Variants in TENM4 observed in about 807,000 individuals in gnomAD.
The protein encoded by TENM4 is teneurin-4.
Under a neutral mutation model 243.3 loss-of-function variants are expected in TENM4, and 82 were observed. That is an observed-to-expected ratio of 0.34 (90% CI 0.28 to 0.40). The LOEUF (loss-of-function observed/expected upper bound fraction) is 0.40. Among genes scored for constraint, TENM4 ranks in the 10% least tolerant of loss-of-function variants. The pLI, the probability that TENM4 is intolerant of heterozygous loss-of-function variation, is 1.00. For synonymous variants in TENM4, 1,412 were observed against 1,456.3 expected, an observed-to-expected ratio of 0.97 and a Z score of 0.69; for missense variants, 3,138 against 3,673.3, an observed-to-expected ratio of 0.85 and a Z score of 3.77.
At chr11:79,409,405 G>C (rs1026146143) in intron 1 of TENM4, among the ~76,000 whole-genome samples, 1 of 152,132 alleles carries the variant, frequency 6.6e-6, no homozygotes, top group African/African-American at 2.4e-5. Context: ...AGGTTCATAA[G>C]AGTGAGGCAT....
intron 4 of TENM4, among the ~76,000 whole-genome samples, chr11:79,090,299 A>C (rs1591274605): frequency 1.3e-5 from 2 of 152,356 alleles, no homozygotes; most frequent in East Asian, 3.9e-4. Flanking sequence ...GAAAAATATA[A>C]CAACAGGCAG....
At chr11:79,073,941 A>G (rs1468004454) in intron 4 of TENM4, among the ~76,000 whole-genome samples, 1 of 151,952 alleles carries the variant, frequency 6.6e-6, no homozygotes, top group African/African-American at 2.4e-5. Context: ...AAGCATATGT[A>G]AATAAGGCTG....
intron 16 of TENM4, among the ~76,000 whole-genome samples, chr11:78,781,474 T>C (rs182179394): frequency 3.5e-4 from 54 of 152,366 alleles, no homozygotes; most frequent in African/African-American, 1.3e-3. Flanking sequence ...GCTTTTGGCA[T>C]GAGGTTGGTC....
chr11:79,219,676 G>A lies in TENM4; in HGVS notation c.-264-3767C>T, dbSNP rs369790159. On this transcript the variant is annotated intron_variant, in intron 2 of 33. Coordinates refer to ENST00000278550, the MANE Select transcript of TENM4 (RefSeq NM_001098816.3). ...CCCTGTTCTTTTCCTCTCTAGGCAA[G>A]TCATAAAGCAAGCTGTAACCCTGTG... Among the ~76,000 whole-genome samples the A allele has an allele frequency of 2.2e-4, 33 of 152,316 alleles. 1 individual carries two copies. Among genetic ancestry groups the A allele is most frequent in the South Asian group, 8.3e-4 (4 of 4,824 alleles).
chr11:79,034,971 G>A (rs1002005102), intron 6 of TENM4, among the ~76,000 whole-genome samples: 4 of 152,168 alleles, frequency 2.6e-5, no homozygotes, highest in African/African-American at 9.7e-5. Context: ...AGAGGGCTGG[G>A]GCTAAGGTCC....
At chr11:78,848,212 T>A (rs1305025420) in intron 12 of TENM4, among the ~76,000 whole-genome samples, 3 of 150,622 alleles carry the variant, frequency 2.0e-5, no homozygotes, top group Non-Finnish European at 3.0e-5. Context: ...CTTGACCACA[T>A]AAATTCATGA....
chr11:79,283,247 CACAA>C (rs1856190556), intron 2 of TENM4, among the ~76,000 whole-genome samples: 2 of 146,604 alleles, frequency 1.4e-5, no homozygotes, highest in South Asian at 4.3e-4. Context: ...CACACACACA[CACAA>C]GTACAGATGA....
At chr11:79,430,138 G>A (rs952244788) in intron 1 of TENM4, among the ~76,000 whole-genome samples, 3 of 149,212 alleles carry the variant, frequency 2.0e-5, no homozygotes, top group Non-Finnish European at 1.5e-5. Flanking sequence ...ACTTAGCAGC[G>A]TTGGGCTACT....
At chr11:78,775,594 A>T (rs1856725324) in intron 17 of TENM4, among the ~76,000 whole-genome samples, 1 of 152,064 alleles carries the variant, frequency 6.6e-6, no homozygotes, top group African/African-American at 2.4e-5. Context: ...GGATAATCAC[A>T]CCCCCATTAG....
intron 4 of TENM4, among the ~76,000 whole-genome samples, chr11:79,111,421 T>G (rs950851947): frequency 1.2e-4 from 19 of 152,090 alleles, no homozygotes; most frequent in Non-Finnish European, 2.2e-4. Context: ...GGCGGGCACC[T>G]GTAGTCTCAG....
chr11:79,418,068 A>C (rs1314537091), intron 1 of TENM4, among the ~76,000 whole-genome samples: 1 of 152,194 alleles, frequency 6.6e-6, no homozygotes, highest in Non-Finnish European at 1.5e-5. Context: ...CTCGCACTAG[A>C]CTAGTACTGC....
rs372644237 is a variant in TENM4 at position 78,694,293 on chromosome 11, T to A, written c.5088-6067A>T. Among the ~76,000 whole-genome samples, 177 of 152,348 alleles carry A rather than the reference T, an allele frequency of 1.2e-3. 3 individuals carry two copies. The South Asian group carries it at 0.035, about 30-fold the overall frequency. ...CACCATGTCAGGGAACTGGGCACTG[T>A]ATTGTCTGTGGATAATTATGGTTCC... On this transcript the variant is annotated intron_variant, in intron 28 of 33. Coordinates refer to ENST00000278550, the MANE Select transcript of TENM4 (RefSeq NM_001098816.3).
At chr11:78,664,725 T>C (rs1276020014) in intron 32 of TENM4, among the ~76,000 whole-genome samples, 3 of 152,192 alleles carry the variant, frequency 2.0e-5, no homozygotes, top group African/African-American at 7.2e-5. Context: ...GGCAGATGGT[T>C]CTTTGGGAAA....
At chr11:78,786,492 T>G (rs2136036466) in intron 16 of TENM4, among the ~76,000 whole-genome samples, 1 of 152,372 alleles carries the variant, frequency 6.6e-6, no homozygotes, top group South Asian at 2.1e-4. Context: ...GGTCTTCACA[T>G]GTATTATTAT....
At chr11:79,152,710 A>G (rs894128909) in intron 3 of TENM4, among the ~76,000 whole-genome samples, 2 of 152,182 alleles carry the variant, frequency 1.3e-5, no homozygotes, top group Non-Finnish European at 2.9e-5. Context: ...GCAGCCCTCT[A>G]CTGATGTCCA....
At chr11:78,935,542 A>G (rs1488714790) in intron 6 of TENM4, among the ~76,000 whole-genome samples, 1 of 152,206 alleles carries the variant, frequency 6.6e-6, no homozygotes, top group Non-Finnish European at 1.5e-5. Flanking sequence ...AATCTGTTTA[A>G]CTATACAGTT....
chr11:78,699,130 T>TAACAACAAC (rs35532822), intron 28 of TENM4, among the ~76,000 whole-genome samples: 1 of 151,776 alleles, frequency 6.6e-6, no homozygotes, highest in Non-Finnish European at 1.5e-5. Flanking sequence ...TTGCTTGCAT[T>TAACAACAAC]AACAACAACA....
In TENM4 at chr11:79,138,435, ATATAT is replaced by A. The variant is rs1247926105; in HGVS notation, c.-66+10270_-66+10274del. On this transcript the variant is annotated intron_variant, in intron 4 of 33. Transcript: ENST00000278550. The stretch of plus-strand genomic sequence containing the variant: ...AATATATATTATATTATATATAAAT[ATATAT>A]TATATTTATATATAATATATTTTAA... 3.4e-5 allele frequency among the ~76,000 whole-genome samples: 4 copies of A among 115,952 alleles called. No homozygotes were observed. In the East Asian group the frequency reaches 9.1e-4, roughly 26 times the overall value. The allele number at this position is 115,952 out of a possible 152,430, so 76.1% of individuals were successfully genotyped here.
At chr11:79,214,019 T>TCTC (rs72015258) in intron 3 of TENM4, among the ~76,000 whole-genome samples, 1 of 24,150 alleles carries the variant, frequency 4.1e-5, no homozygotes, top group African/African-American at 1.2e-4. Context: ...TGAGGTGGAG[T>TCTC]CTCTGTCTGT....
Sources: allele counts gnomAD v4.1 joint callset (sites outside exome capture counted in the v4.1 genomes callset), GRCh38; gene constraint gnomAD v4.1.1; transcripts MANE v1.5; gene names NCBI Gene and HGNC (gene_info 2026-07-23, HGNC 2026-07-21).